Variants in HDAC9 observed in about 807,000 individuals in gnomAD.
The protein encoded by HDAC9 is MEF-2 interacting transcription repressor (MITR) protein.
In HDAC9, 41 loss-of-function variants were observed where a neutral mutation model predicts 139.4. That is an observed-to-expected ratio of 0.29 (90% CI 0.23 to 0.38). The LOEUF (loss-of-function observed/expected upper bound fraction) is 0.38, where lower values mean the gene tolerates loss of function less well. Ranked by LOEUF, HDAC9 falls within the 10% of genes least tolerant of loss-of-function variation. HDAC9 has a pLI of 1.00. For synonymous variants in HDAC9, 517 were observed against 476.2 expected, an observed-to-expected ratio of 1.09 and a Z score of -1.12; for missense variants, 1,147 against 1,297.0, an observed-to-expected ratio of 0.88 and a Z score of 1.78.
At chr7:18,623,656 A>G (rs1285412281) in intron 6 of HDAC9, among the ~76,000 whole-genome samples, 2 of 152,122 alleles carry the variant, frequency 1.3e-5, no homozygotes, top group Non-Finnish European at 2.9e-5. Flanking sequence ...AAGAGTTAGC[A>G]TTGGTGGCTG....
chr7:18,475,157 C>T (rs1437293053), intron 1 of HDAC9, among the ~76,000 whole-genome samples: 1 of 152,120 alleles, frequency 6.6e-6, no homozygotes, highest in African/African-American at 2.4e-5. Flanking sequence ...GGTCAGTGAC[C>T]AGACCTTGAT....
intron 2 of HDAC9, among the ~76,000 whole-genome samples, chr7:18,284,641 T>G (rs1334948608): frequency 4.6e-5 from 7 of 152,142 alleles, no homozygotes. Flanking sequence ...CTTGGCCGAT[T>G]TATCTAATCT....
At chr7:18,947,016 A>G (rs1050359702) in intron 23 of HDAC9, among the ~76,000 whole-genome samples, 1 of 152,036 alleles carries the variant, frequency 6.6e-6, no homozygotes, top group Non-Finnish European at 1.5e-5. Context: ...GAGATTTCAA[A>G]TATACTCTAA....
At chr7:18,645,741 G>A (rs1409995998) in intron 9 of HDAC9, among the ~76,000 whole-genome samples, 1 of 152,122 alleles carries the variant, frequency 6.6e-6, no homozygotes, top group African/African-American at 2.4e-5. Flanking sequence ...ATTAGGTTTA[G>A]AGAGAAATTT....
intron 8 of HDAC9, among the ~76,000 whole-genome samples, chr7:18,641,108 C>T (rs528612520): frequency 1.1e-4 from 16 of 152,088 alleles, no homozygotes; most frequent in Non-Finnish European, 2.1e-4. Context: ...TTCTGGAAGA[C>T]ATTCTCACTC....
chr7:18,627,371 C>A (rs570425937), intron 6 of HDAC9, among the ~76,000 whole-genome samples: 14 of 152,284 alleles, frequency 9.2e-5, no homozygotes, highest in Admixed American at 3.9e-4. Context: ...ATTAGCAAGG[C>A]TACAGAGGAT....
chr7:18,573,904 T>A (rs1825127294), intron 2 of HDAC9, among the ~76,000 whole-genome samples: 1 of 152,128 alleles, frequency 6.6e-6, no homozygotes, highest in Admixed American at 6.5e-5. Context: ...ACAGCTCTTC[T>A]CCCCTTCTCA....
chr7:18,092,399 CTT>C (rs112517048), intron 1 of HDAC9, among the ~76,000 whole-genome samples: 3 of 140,838 alleles, frequency 2.1e-5, no homozygotes, highest in Non-Finnish European at 1.5e-5. Context: ...TTCTTTCTTT[CTT>C]TTTTTTTTTT....
At chr7:18,848,168 C>G (rs1198915376) in intron 21 of HDAC9, among the ~76,000 whole-genome samples, 3 of 152,132 alleles carry the variant, frequency 2.0e-5, no homozygotes, top group East Asian at 1.9e-4. Flanking sequence ...GAAGACAAAA[C>G]TGAGCTTCTG....
At chr7:18,690,633 A>C (rs965675194) in intron 12 of HDAC9, among the ~76,000 whole-genome samples, 1 of 152,062 alleles carries the variant, frequency 6.6e-6, no homozygotes, top group South Asian at 2.1e-4. Flanking sequence ...CTAAAGTACC[A>C]TTTATTTTTT....
intron 2 of HDAC9, among the ~76,000 whole-genome samples, chr7:18,531,418 A>T (rs576776150): frequency 6.6e-6 from 1 of 152,270 alleles, no homozygotes; most frequent in Non-Finnish European, 1.5e-5. Context: ...TTGTTGAATG[A>T]TTTATCTTAA....
At chr7:18,482,025 CT>C (rs1231862356) in intron 1 of HDAC9, among the ~76,000 whole-genome samples, 1 of 152,120 alleles carries the variant, frequency 6.6e-6, no homozygotes, top group East Asian at 1.9e-4. Context: ...GCTTGGTTTC[CT>C]TCCAAGCCAT....
At chr7:18,464,440 T>C (rs1232120659) in intron 1 of HDAC9, among the ~76,000 whole-genome samples, 1 of 152,010 alleles carries the variant, frequency 6.6e-6, no homozygotes, top group Non-Finnish European at 1.5e-5. Context: ...TATTTTAATA[T>C]CTGCATTGGA....
chr7:18,243,016 A>T (rs1168541818), intron 2 of HDAC9, among the ~76,000 whole-genome samples: 2 of 144,896 alleles, frequency 1.4e-5, no homozygotes, highest in Admixed American at 7.0e-5. Flanking sequence ...ATATGAAAAG[A>T]TGTGGAAGGT....
At chr7:18,745,279 G>T (rs1175240280) in intron 13 of HDAC9, among the ~76,000 whole-genome samples, 1 of 152,130 alleles carries the variant, frequency 6.6e-6, no homozygotes, top group African/African-American at 2.4e-5. Context: ...GAAGTTTGGG[G>T]TTCCAGATTG....
chr7:18,667,839 C>T (rs1795258280), intron 12 of HDAC9: 4 of 983,934 alleles, frequency 4.1e-6, no homozygotes, highest in South Asian at 4.7e-5. Flanking sequence ...CTTCATATTC[C>T]CTTTTGATAT....
rs189630660 is a variant in HDAC9 at position 18,454,920 on chromosome 7, C to A, written c.-41-41342C>A. On this transcript the variant is annotated intron_variant, in intron 1 of 3. Coordinates refer to the HDAC9 transcript ENST00000413509. ...CTGAGGAAAATATTCAAAATAAAAG[C>A]TTTGTCTTACCTAAAAATGGAGGAG... Among the ~76,000 whole-genome samples the A allele has an allele frequency of 6.6e-5, 10 of 152,102 alleles. No homozygotes were observed. The East Asian group carries it at 1.7e-3, about 26-fold the overall frequency.
At chr7:18,127,984 C>T (rs1280603726) in intron 1 of HDAC9, among the ~76,000 whole-genome samples, 1 of 152,086 alleles carries the variant, frequency 6.6e-6, no homozygotes, top group African/African-American at 2.4e-5. Flanking sequence ...ACTATATTTT[C>T]ACTTAGTAAA....
chr7:18,092,094 C>T (rs1166474425), intron 1 of HDAC9, among the ~76,000 whole-genome samples: 1 of 152,198 alleles, frequency 6.6e-6, no homozygotes, highest in Non-Finnish European at 1.5e-5. Context: ...CTCATAGAAT[C>T]TCTGGTGTAG....
Sources: gnomAD v4.1 joint callset for allele counts (sites outside exome capture counted in the v4.1 genomes callset) on GRCh38, gnomAD v4.1.1 for gene constraint, MANE v1.5 for transcripts, NCBI Gene and HGNC (gene_info 2026-07-23, HGNC 2026-07-21) for gene names.